WAC: variants seen among roughly 807,000 people sequenced by gnomAD.
The protein encoded by WAC is WW domain-containing adapter protein with coiled-coil.
Under a neutral mutation model 79.6 loss-of-function variants are expected in WAC, and 11 were observed. The observed-to-expected ratio is 0.14, with a 90% confidence interval of 0.09 to 0.23. WAC has a LOEUF of 0.23. Ranked by LOEUF, WAC falls within the 10% of genes least tolerant of loss-of-function variation. The probability of loss-of-function intolerance (pLI) is 1.00; values close to 1 mark genes in which losing one functional copy is unlikely to be tolerated. For synonymous variants in WAC, 304 were observed against 276.9 expected (o/e 1.10, Z -0.97); for missense variants, 728 against 773.5 (o/e 0.94, Z 0.70).
At chr10:28,591,400 A>G (rs1352325370) in intron 6 of WAC, 1 of 152,486 alleles carries the variant, frequency 6.6e-6, no homozygotes, top group Non-Finnish European at 1.5e-5. Context: ...TTTTGTTCCA[A>G]GGTGCTCTTC....
Position 28,608,422 on chromosome 10 carries a change from A to G in WAC, c.1156A>G (p.Ile386Val), listed in dbSNP as rs573788148. The G allele has an allele frequency of 6.3e-7, 1 of 1,592,450 alleles. No individual in the cohort carries two copies. Among genetic ancestry groups the G allele is most frequent in the South Asian group, 1.1e-5 (1 of 88,958 alleles). ...TAATTCTAATGTGGACATATCTAAA[A>G]TAAATGAAGGTAAATCTTCATAACA... ...LNNSNVDISK[I>V]NEVLTAAVTQ... The change falls in exon 8 of 14, where the codon ATA (isoleucine) becomes GTA (valine). Residue 386 changes from isoleucine (I) to valine (V), a missense_variant. Coordinates refer to ENST00000354911, the MANE Select transcript of WAC (RefSeq NM_016628.5).
chr10:28,535,389 G>T, intron 2 of WAC, 173 bp from the exon 3 acceptor site: 7 of 576,024 alleles, frequency 1.2e-5, no homozygotes, highest in East Asian at 4.0e-5. Context: ...TAACGCTTAA[G>T]CATTAGGTTT....
chr10:28,551,783 C>CG lies in WAC; in HGVS notation c.274+16026_274+16027insG, dbSNP rs1328807961. Among the ~76,000 whole-genome samples the CG allele has an allele frequency of 6.1e-3, 327 of 53,516 alleles. 1 individual carries two copies. The highest frequency in any genetic ancestry group is 0.014 in the South Asian group (18 of 1,278). The allele number at this position is 53,516 out of a possible 152,430, so 35.1% of individuals were successfully genotyped here. On this transcript the variant is annotated intron_variant, in intron 3 of 13. Coordinates refer to ENST00000354911, the MANE Select transcript of WAC (RefSeq NM_016628.5). The stretch of plus-strand genomic sequence containing the variant: ...TAAATGCTTTTATGTTTCCTGTCTA[C>CG]TTGTGTGTGTGTGTGTGTGTGTGTG...
At chr10:28,575,358 T>C (rs1839188401) in intron 3 of WAC, among the ~76,000 whole-genome samples, 1 of 152,236 alleles carries the variant, frequency 6.6e-6, no homozygotes, top group Non-Finnish European at 1.5e-5. Context: ...TTTGTTCTTT[T>C]TTATGGCTAC....
chr10:28,612,018 A>G, intron 10 of WAC, 96 bp downstream of exon 10: 2 of 1,449,434 alleles, frequency 1.4e-6, no homozygotes, highest in Non-Finnish European at 9.4e-7. Flanking sequence ...CCCTCTGAGA[A>G]TGAGGTGTAG....
chr10:28,614,724 T>G (rs748636467), intron 11 of WAC, 39 bp downstream of exon 11: 6 of 1,454,268 alleles, frequency 4.1e-6, no homozygotes, highest in Non-Finnish European at 5.8e-6. Flanking sequence ...ATTGTTTTAT[T>G]TAATGATGGT....
intron 3 of WAC, among the ~76,000 whole-genome samples, chr10:28,577,426 A>C (rs1839301464): frequency 6.6e-6 from 1 of 152,200 alleles, no homozygotes. Context: ...ATAAAGTTGC[A>C]TAATTTTGAA....
intron 3 of WAC, among the ~76,000 whole-genome samples, chr10:28,571,350 T>A (rs1333939265): frequency 6.6e-6 from 1 of 152,142 alleles, no homozygotes; most frequent in African/African-American, 2.4e-5. Flanking sequence ...GAAGATGAGA[T>A]CTGTTCTTTC....
intron 3 of WAC, among the ~76,000 whole-genome samples, chr10:28,574,738 C>T (rs968415006): frequency 2.6e-5 from 4 of 152,166 alleles, no homozygotes; most frequent in Admixed American, 6.5e-5. Context: ...GCCACTGTGC[C>T]CAGCCAAGAA....
intron 4 of WAC, among the ~76,000 whole-genome samples, chr10:28,585,548 T>C (rs1399424011): frequency 6.6e-6 from 1 of 151,596 alleles, no homozygotes; most frequent in East Asian, 1.9e-4. Context: ...TCCTTTCTTT[T>C]TTTTTTTTTT....
At chr10:28,598,108 G>C (rs1340758607) in intron 7 of WAC, among the ~76,000 whole-genome samples, 1 of 152,144 alleles carries the variant, frequency 6.6e-6, no homozygotes, top group African/African-American at 2.4e-5. Context: ...TTCTTACCCA[G>C]TCTATCCGCT....
intron 4 of WAC, among the ~76,000 whole-genome samples, chr10:28,584,413 A>G (rs1373111470): frequency 6.6e-6 from 1 of 152,358 alleles, no homozygotes; most frequent in Non-Finnish European, 1.5e-5. Flanking sequence ...AGCTAAAGTT[A>G]CAGAGGTAAG....
intron 1 of WAC, 61 bp from the exon 2 acceptor site, chr10:28,533,937 C>T (rs1000638644): frequency 4.4e-6 from 7 of 1,589,860 alleles, no homozygotes; most frequent in South Asian, 2.2e-5. Context: ...CCGTTTTCTT[C>T]CTCCCCGGCC....
At chr10:28,586,589 A>T (rs1270663988) in intron 4 of WAC, among the ~76,000 whole-genome samples, 8 of 152,154 alleles carry the variant, frequency 5.3e-5, no homozygotes, top group Admixed American at 5.2e-4. Context: ...GGAAGGCTGA[A>T]GCAAAGGATT....
At chr10:28,581,814 G>A (rs1839553881) in intron 3 of WAC, among the ~76,000 whole-genome samples, 1 of 152,002 alleles carries the variant, frequency 6.6e-6, no homozygotes, top group Non-Finnish European at 1.5e-5. Context: ...CACCTGCCTC[G>A]GCCTCCCAAA....
chr10:28,575,434 CT>C (rs1167318029), intron 3 of WAC, among the ~76,000 whole-genome samples: 1 of 152,220 alleles, frequency 6.6e-6, no homozygotes, highest in Non-Finnish European at 1.5e-5. Flanking sequence ...CAGTATTTTA[CT>C]TTCACATTAG....
At chr10:28,614,147 C>T (rs1377568068) in intron 10 of WAC, among the ~76,000 whole-genome samples, 2 of 152,064 alleles carry the variant, frequency 1.3e-5, no homozygotes, top group Non-Finnish European at 2.9e-5. Flanking sequence ...GTTCTGTCGC[C>T]CAGGCGGGAG....
chr10:28,537,697 G>A (rs1182915007), intron 3 of WAC: 1 of 152,214 alleles, frequency 6.6e-6, no homozygotes, highest in African/African-American at 2.4e-5. Flanking sequence ...TCCTGGCCTT[G>A]AAGCTATTCT....
chr10:28,592,970 A>G (rs1401106319), intron 6 of WAC, among the ~76,000 whole-genome samples: 1 of 152,156 alleles, frequency 6.6e-6, no homozygotes, highest in Non-Finnish European at 1.5e-5. Flanking sequence ...ATAATCCCCT[A>G]TCAATGAATA....
Sources: gnomAD v4.1 joint callset for allele counts (sites outside exome capture counted in the v4.1 genomes callset) on GRCh38, gnomAD v4.1.1 for gene constraint, MANE v1.5 for transcripts, NCBI Gene and HGNC (gene_info 2026-07-23, HGNC 2026-07-21) for gene names.